The following ZNF354A variants were observed in gnomAD, a reference collection of about 807,000 sequenced individuals.
The protein encoded by ZNF354A is epididymis luminal protein 104.
In ZNF354A, 25 loss-of-function variants were observed where a neutral mutation model predicts 53.3. The ratio of observed to expected loss-of-function variants is 0.47; its 90% CI spans 0.34 to 0.66. The LOEUF is 0.66. Ranked by LOEUF, ZNF354A falls within the 30% of genes least tolerant of loss-of-function variation. The probability of loss-of-function intolerance (pLI) is 0.01; values close to 1 mark genes in which losing one functional copy is unlikely to be tolerated. For missense variants in ZNF354A, 586 were observed against 716.8 expected, an observed-to-expected ratio of 0.82 and a Z score of 2.08; for synonymous variants, 228 against 249.0, an observed-to-expected ratio of 0.92 and a Z score of 0.79.
intron 2 of ZNF354A, among the ~76,000 whole-genome samples, chr5:178,728,173 CTT>C (rs1356791152): frequency 6.6e-6 from 1 of 152,136 alleles, no homozygotes; most frequent in Non-Finnish European, 1.5e-5. Flanking sequence ...CTCTCTGTGA[CTT>C]TGTTTTTTCT....
Position 178,712,663 on chromosome 5 carries a change from G to A in ZNF354A, c.1215C>T (p.Thr405=), listed in dbSNP as rs187971041. The stretch of plus-strand genomic sequence containing the variant: ...CATTGCATCTATAGGGCTTTTCTCC[G>A]GTGTGAATTCTTTCATGTTGAATAA... ...ASLIQHERIH[T]GEKPYRCNEC... The change falls in exon 5 of 5, where the codon ACC becomes ACT. Residue 405 remains threonine, a synonymous_variant. Coordinates refer to ENST00000335815, the MANE Select transcript of ZNF354A (RefSeq NM_005649.3). The A allele has an allele frequency of 2.6e-5, 42 of 1,613,646 alleles. No homozygotes were observed. The highest frequency in any genetic ancestry group is 2.0e-4 in the Admixed American group (12 of 59,968).
chr5:178,712,361 T>C lies in ZNF354A; in HGVS notation c.1517A>G (p.Asn506Ser). The change falls in exon 5 of 5, where the codon AAC becomes AGC. Residue 506 changes from asparagine (N) to serine (S), a missense_variant. Asn to Ser is a conservative substitution (Grantham distance 46). Around this residue, in one of 2 missense-constraint regions of ZNF354A, gnomAD observed 573 missense variants for 680.1 expected, o/e 0.84. Transcript: ENST00000335815. ...TCTCTGGTGATTACTAAGTGATGAG[T>C]TACACCTGAATGTTTTCCCACACTC... ...CNECGKTFRC[N>S]SSLSNHQRIH... The C allele has an allele frequency of 6.2e-7, 1 of 1,613,830 alleles. No homozygotes were observed. The highest frequency in any genetic ancestry group is 1.1e-5 in the South Asian group (1 of 91,074).
rs772831571 is a variant in ZNF354A, at chr5:178,713,543, G to C, written c.335C>G (p.Ser112Cys). 4.3e-6 allele frequency: 7 copies of C among 1,610,840 alleles called. No homozygotes were observed. The highest frequency in any genetic ancestry group is 5.9e-6 in the Non-Finnish European group (7 of 1,179,506). Reference sequence around the variant, plus strand: ...CAAATCCCAAGGTACATTCCTGTTGGATCTTTTCAGTATCAGTCCCTGAAA... The same window carrying C: ...CAAATCCCAAGGTACATTCCTGTTGCATCTTTTCAGTATCAGTCCCTGAAA... ...SSFQGLILKR[S>C]NRNVPWDLKL... is the part of the protein sequence containing the mutation. The change falls in exon 5 of 5, where the codon TCC becomes TGC. Residue 112 changes from serine to cysteine, a missense_variant. This residue lies in a region of ZNF354A where 573 missense variants were observed against 680.1 expected (regional missense o/e 0.84). Transcript: ENST00000335815.
chr5:178,720,955 T>C (rs994407540), intron 4 of ZNF354A, among the ~76,000 whole-genome samples: 5 of 152,240 alleles, frequency 3.3e-5, no homozygotes, highest in African/African-American at 1.2e-4. Context: ...CAATTAGGGT[T>C]GTTTCATTCT....
At chr5:178,719,917 A>C (rs1439739016) in intron 4 of ZNF354A, among the ~76,000 whole-genome samples, 4 of 150,188 alleles carry the variant, frequency 2.7e-5, no homozygotes, top group African/African-American at 9.8e-5. Context: ...ACCGCACTCC[A>C]GCCTGGGCGA....
At chr5:178,714,519 AT>A (rs1290598925) in intron 4 of ZNF354A, among the ~76,000 whole-genome samples, 1 of 152,160 alleles carries the variant, frequency 6.6e-6, no homozygotes, top group East Asian at 1.9e-4. Flanking sequence ...ATAGTTCTAT[AT>A]CTATGTCTGT....
At chr5:178,726,355 G>GAT in intron 3 of ZNF354A, 1 of 371,320 alleles carries the variant, frequency 2.7e-6, no homozygotes, top group Non-Finnish European at 5.5e-6. Context: ...TTGTCGCCCA[G>GAT]GCTGGAGTGC....
chr5:178,726,329 G>A, intron 3 of ZNF354A: 1 of 319,228 alleles, frequency 3.1e-6, no homozygotes, highest in Non-Finnish European at 6.4e-6. Flanking sequence ...TTTTTTTTTT[G>A]AGACAGAGTC....
Position 178,715,960 on chromosome 5 carries a change from G to C in ZNF354A, c.257-2339C>G, listed in dbSNP as rs542399728. Among the ~76,000 whole-genome samples the C allele has an allele frequency of 2.7e-5, 4 of 150,632 alleles. No homozygotes were observed. The South Asian group carries it at 8.4e-4, about 32-fold the overall frequency. The stretch of plus-strand genomic sequence containing the variant: ...CACCCAGGCTGGAGTGCAGTGGCGC[G>C]ACCTCGGCTCACTGCAACCTCCCCC... On this transcript the variant is annotated intron_variant, in intron 4 of 4. Transcript: ENST00000335815.
chr5:178,718,798 T>G (rs989419870), intron 4 of ZNF354A, among the ~76,000 whole-genome samples: 2 of 152,142 alleles, frequency 1.3e-5, no homozygotes, highest in Non-Finnish European at 2.9e-5. Context: ...ACTGGTGCCA[T>G]CATAGCTCAC....
intron 4 of ZNF354A, among the ~76,000 whole-genome samples, chr5:178,716,103 G>A (rs1199955250): frequency 2.6e-5 from 4 of 151,946 alleles, no homozygotes; most frequent in African/African-American, 9.7e-5. Context: ...CACCATGTTG[G>A]TCAGGCTGGT....
At chr5:178,730,224 T>G (rs919624598) in intron 1 of ZNF354A, among the ~76,000 whole-genome samples, 2 of 151,994 alleles carry the variant, frequency 1.3e-5, no homozygotes, top group African/African-American at 2.4e-5. Context: ...GTGGCCGTCC[T>G]GGGGACGGAC....
At chr5:178,722,953 A>G (rs1049514625) in intron 4 of ZNF354A, among the ~76,000 whole-genome samples, 4 of 152,172 alleles carry the variant, frequency 2.6e-5, no homozygotes, top group Non-Finnish European at 5.9e-5. Flanking sequence ...CGCCACGAAG[A>G]ACAGTCCCAG....
At chr5:178,719,440 G>C (rs1765768021) in intron 4 of ZNF354A, among the ~76,000 whole-genome samples, 1 of 152,224 alleles carries the variant, frequency 6.6e-6, no homozygotes, top group African/African-American at 2.4e-5. Flanking sequence ...AGGTAGAAAA[G>C]GGGTGCAGCA....
intron 1 of ZNF354A, among the ~76,000 whole-genome samples, chr5:178,729,941 G>A (rs1299725442): frequency 2.0e-5 from 3 of 149,930 alleles, no homozygotes; most frequent in African/African-American, 7.3e-5. Flanking sequence ...TCGGCTCACT[G>A]CAAGCTCCGC....
chr5:178,730,622 A>T lies in ZNF354A; in HGVS notation c.-118T>A, dbSNP rs1132324. On this transcript the variant is annotated 5_prime_UTR_variant, in exon 1 of 5. Transcript: ENST00000335815. Reference sequence around the variant, plus strand: ...CGAGGCTCCGGAACCGCCGGCCGGGATGCAGCCTCGCGACCCGGCTCCGCC... The same window carrying T: ...CGAGGCTCCGGAACCGCCGGCCGGGTTGCAGCCTCGCGACCCGGCTCCGCC... The T allele has an allele frequency of 1.3e-5, 2 of 151,764 alleles. No individual in the cohort carries two copies. Among genetic ancestry groups the T allele is most frequent in the African/African-American group, 4.8e-5 (2 of 41,356 alleles). The allele number at this position is 151,764 out of a possible 1,614,324, so 9.4% of individuals were successfully genotyped here. A position where few individuals can be genotyped will look rare whatever the true frequency, so the allele number is the denominator to read the frequency against.
intron 4 of ZNF354A, among the ~76,000 whole-genome samples, chr5:178,720,379 T>C (rs1765790214): frequency 6.6e-6 from 1 of 152,212 alleles, no homozygotes; most frequent in African/African-American, 2.4e-5. Flanking sequence ...GATGAAGTCA[T>C]TGGGGTGAGC....
intron 1 of ZNF354A, among the ~76,000 whole-genome samples, chr5:178,730,018 T>A (rs62392851): frequency 2.6e-5 from 4 of 151,782 alleles, no homozygotes; most frequent in Non-Finnish European, 5.9e-5. Flanking sequence ...CGCCCGCCAC[T>A]ACGCCCGGCT....
intron 4 of ZNF354A, among the ~76,000 whole-genome samples, chr5:178,724,524 G>A (rs1310898692): frequency 6.6e-6 from 1 of 152,060 alleles, no homozygotes; most frequent in African/African-American, 2.4e-5. Flanking sequence ...CGTGCCCAGC[G>A]TTCTGCCTCA....
Sources: gnomAD v4.1 joint callset for allele counts (sites outside exome capture counted in the v4.1 genomes callset) on GRCh38, gnomAD v4.1.1 for gene constraint, gnomAD v4.1.1 regional missense constraint, MANE v1.5 for transcripts, NCBI Gene and HGNC (gene_info 2026-07-23, HGNC 2026-07-21) for gene names.